Variants in TTLL4 observed in about 807,000 individuals in gnomAD.
The protein encoded by TTLL4 is tubulin tyrosine ligase like 4.
Under a neutral mutation model 122.7 loss-of-function variants are expected in TTLL4, and 85 were observed. The observed-to-expected ratio is 0.69, with a 90% CI of 0.58 to 0.83. The LOEUF (loss-of-function observed/expected upper bound fraction) is 0.83. Among genes scored for constraint, TTLL4 ranks in the 40% least tolerant of loss-of-function variants. The pLI, the probability that TTLL4 is intolerant of heterozygous loss-of-function variation, is 0.00. For missense variants in TTLL4, 1,363 were observed against 1,488.6 expected (o/e 0.92, Z 1.39); for synonymous variants, 553 against 563.0 (o/e 0.98, Z 0.25).
chr2:218,746,416 C>A, intron 8 of TTLL4, 185 bp downstream of exon 8: 1 of 617,044 alleles, frequency 1.6e-6, no homozygotes, highest in Non-Finnish European at 2.8e-6. Flanking sequence ...ACGTACATCT[C>A]CAGTTCAGCT....
At chr2:218,736,721 C>T (rs1232214293) in intron 2 of TTLL4, among the ~76,000 whole-genome samples, 28 of 152,142 alleles carry the variant, frequency 1.8e-4, no homozygotes, top group Admixed American at 1.4e-3. Context: ...GAATAAACTC[C>T]GGGATCAGCA....
At chr2:218,749,926 T>G in intron 14 of TTLL4, 83 bp from the exon 15 acceptor site, 15 of 1,529,464 alleles carry the variant, frequency 9.8e-6, no homozygotes, top group Non-Finnish European at 1.1e-5. Flanking sequence ...AGGAAGTAAA[T>G]GAGACTAGCC....
chr2:218,757,829 C>G (rs79035516), downstream of TTLL4, among the ~76,000 whole-genome samples: 4 of 152,278 alleles, frequency 2.6e-5, no homozygotes, highest in South Asian at 4.1e-4. Flanking sequence ...AGGTGACCAA[C>G]AAAGGCAGAC....
rs555490886 is a variant in TTLL4 at position 218,725,624 on chromosome 2, C to T, written c.-177-1645C>T. The stretch of plus-strand genomic sequence containing the variant: ...ATGCTGGGGTGTAGTGGCGTGATCT[C>T]GGCTCACCGCAACCTCCACCTCCTG... On this transcript the variant is annotated intron_variant, in intron 1 of 19. Coordinates refer to ENST00000392102, the MANE Select transcript of TTLL4 (RefSeq NM_014640.5). Among the ~76,000 whole-genome samples, 6 of 151,906 alleles carry T rather than the reference C, an allele frequency of 3.9e-5. No individual in the cohort carries two copies. In the East Asian group the frequency reaches 5.8e-4, roughly 15 times the overall value.
At chr2:218,744,192 T>C (rs1047195020) in intron 5 of TTLL4, among the ~76,000 whole-genome samples, 1 of 152,260 alleles carries the variant, frequency 6.6e-6, no homozygotes, top group African/African-American at 2.4e-5. Flanking sequence ...GTGTTTCACA[T>C]ACAGTGCCTA....
At chr2:218,750,185 G>T in intron 15 of TTLL4, 39 bp downstream of exon 15, 2 of 1,604,100 alleles carry the variant, frequency 1.2e-6, no homozygotes, top group South Asian at 1.1e-5. Flanking sequence ...CTGGCAGCAT[G>T]AGTAGCCCTG....
chr2:218,739,973 A>G (rs1182089828), intron 3 of TTLL4, 85 bp from the exon 4 acceptor site: 5 of 1,260,414 alleles, frequency 4.0e-6, no homozygotes, highest in Non-Finnish European at 5.7e-6. Context: ...AGGGGCAAAT[A>G]CTGGGAGATG....
intron 1 of TTLL4, among the ~76,000 whole-genome samples, chr2:218,723,865 C>T (rs902279945): frequency 6.6e-6 from 1 of 152,100 alleles, no homozygotes; most frequent in African/African-American, 2.4e-5. Flanking sequence ...AACTTGTGAT[C>T]CTGGGCCAGA....
Position 218,745,130 on chromosome 2 carries a change from C to G in TTLL4, c.1683C>G (p.Thr561=). The part of the protein sequence containing the change: ...MISRSCMEIL[T]KPLSNHEKVV... ...TTAGAAGCTGTATGGAAATTCTGAC[C>G]AAACCCCTTTCCAATCATGAGAAAG... Residue 561 remains threonine, a synonymous_variant, in exon 6 of 20, where the codon ACC becomes ACG. Coordinates refer to ENST00000392102, the MANE Select transcript of TTLL4 (RefSeq NM_014640.5). 1 of 1,614,042 alleles carries G rather than the reference C, an allele frequency of 6.2e-7. No individual in the cohort carries two copies. The highest frequency in any genetic ancestry group is 8.5e-7 in the Non-Finnish European group (1 of 1,179,956).
intron 2 of TTLL4, among the ~76,000 whole-genome samples, chr2:218,730,603 AATTGACT>A: frequency 6.6e-6 from 1 of 152,348 alleles, no homozygotes; most frequent in African/African-American, 2.4e-5. Context: ...AGCATCTCAT[AATTGACT>A]ATTAAGTATG....
At chr2:218,715,204 T>G (rs903073682) in intron 1 of TTLL4, among the ~76,000 whole-genome samples, 1 of 152,242 alleles carries the variant, frequency 6.6e-6, no homozygotes, top group Non-Finnish European at 1.5e-5. Flanking sequence ...CTCCAGTCTA[T>G]TGTGATAGTT....
At chr2:218,739,462 C>T (rs115256635) in intron 3 of TTLL4, among the ~76,000 whole-genome samples, 189 of 152,304 alleles carry the variant, frequency 1.2e-3, no homozygotes, top group African/African-American at 4.4e-3. Context: ...ACCGACTGGC[C>T]TGCAAACAAA....
At chr2:218,735,513 G>A (rs978845177) in intron 2 of TTLL4, among the ~76,000 whole-genome samples, 1 of 152,136 alleles carries the variant, frequency 6.6e-6, no homozygotes, top group African/African-American at 2.4e-5. Context: ...GTCTGAGGCT[G>A]CAGTGAGCCA....
At chr2:218,749,177 C>T in intron 13 of TTLL4, 76 bp from the exon 14 acceptor site, 1 of 1,573,698 alleles carries the variant, frequency 6.4e-7, no homozygotes, top group Non-Finnish European at 8.6e-7. Context: ...CTCTGGGCCA[C>T]TCTTTTGGCA....
chr2:218,755,612 C>T (rs574058068), downstream of TTLL4, among the ~76,000 whole-genome samples: 5 of 152,304 alleles, frequency 3.3e-5, no homozygotes, highest in African/African-American at 9.6e-5. Flanking sequence ...TGCTTGCCTC[C>T]TCCCCAGCCC....
intron 2 of TTLL4, among the ~76,000 whole-genome samples, chr2:218,733,307 G>A (rs1019713454): frequency 4.1e-4 from 62 of 152,304 alleles, no homozygotes; most frequent in African/African-American, 1.4e-3. Flanking sequence ...TCTGCAGGCT[G>A]TATGGGTAGC....
chr2:218,719,366 A>G (rs1941965725), intron 1 of TTLL4, among the ~76,000 whole-genome samples: 1 of 152,184 alleles, frequency 6.6e-6, no homozygotes, highest in African/African-American at 2.4e-5. Flanking sequence ...TGAGAGGGAC[A>G]CACAACAGGT....
At chr2:218,739,220 T>A (rs1471420761) in intron 3 of TTLL4, 57 bp downstream of exon 3, 4 of 1,535,168 alleles carry the variant, frequency 2.6e-6, no homozygotes, top group South Asian at 1.2e-5. Flanking sequence ...TACCATAATT[T>A]GGGGTGGCAC....
chr2:218,753,340 G>A (rs1943075954), intron 18 of TTLL4, 155 bp downstream of exon 18: 2 of 947,434 alleles, frequency 2.1e-6, no homozygotes, highest in Non-Finnish European at 3.3e-6. Flanking sequence ...CAAGGGAATA[G>A]TTGCCTCCAG....
Sources: allele counts gnomAD v4.1 joint callset (sites outside exome capture counted in the v4.1 genomes callset), GRCh38; gene constraint gnomAD v4.1.1; transcripts MANE v1.5; gene names NCBI Gene and HGNC (gene_info 2026-07-23, HGNC 2026-07-21).